Variants in FGF17 observed in about 807,000 individuals in gnomAD.
The protein encoded by FGF17 is fibroblast growth factor 17.
FGF17 carries 5 observed loss-of-function variants against 23.5 expected under a neutral mutation model. That is an observed-to-expected ratio of 0.21 (90% confidence interval 0.11 to 0.45). The LOEUF is 0.45. Among genes scored for constraint, FGF17 ranks in the 20% least tolerant of loss-of-function variants. The pLI, the probability that FGF17 is intolerant of heterozygous loss-of-function variation, is 0.99. For synonymous variants in FGF17, 136 were observed against 123.0 expected, an observed-to-expected ratio of 1.11 and a Z score of -0.70; for missense variants, 221 against 306.9, an observed-to-expected ratio of 0.72 and a Z score of 2.09.
At chr8:22,047,329 G>C (rs1232742729) in intron 4 of FGF17, among the ~76,000 whole-genome samples, 1 of 152,204 alleles carries the variant, frequency 6.6e-6, no homozygotes, top group African/African-American at 2.4e-5. Context: ...GCTCCAGCTA[G>C]CAAGATAGAC....
intron 2 of FGF17, among the ~76,000 whole-genome samples, chr8:22,043,647 G>C (rs1190892600): frequency 1.3e-5 from 2 of 152,110 alleles, no homozygotes; most frequent in African/African-American, 4.8e-5. Context: ...GCCTGGCCAG[G>C]GTGAGGTGAC....
chr8:22,046,306 TCCCCCCAGGG>T lies in FGF17; in HGVS notation c.250+17_250+26del. The T allele has an allele frequency of 6.2e-7, 1 of 1,608,214 alleles. No individual in the cohort carries two copies. The highest frequency in any genetic ancestry group is 8.5e-7 in the Non-Finnish European group (1 of 1,176,456). On this transcript the variant is annotated intron_variant, in intron 3 of 4. Transcript: ENST00000359441. ...CAACAAGTTTGGTGAGAGTTGGCCC[TCCCCCCAGGG>T]CACCCACACCTCCACTCTGCCTCAC...
At chr8:22,044,001 G>A (rs1051696077) in intron 2 of FGF17, among the ~76,000 whole-genome samples, 1 of 151,790 alleles carries the variant, frequency 6.6e-6, no homozygotes, top group Non-Finnish European at 1.5e-5. Flanking sequence ...TTGAAGCAGT[G>A]GGGGGGTGGG....
At chr8:22,041,917 G>C (rs1172008288), upstream of FGF17, among the ~76,000 whole-genome samples, 1 of 152,216 alleles carries the variant, frequency 6.6e-6, no homozygotes, top group Non-Finnish European at 1.5e-5. Flanking sequence ...ATGGGACACA[G>C]GGAGGGGACT....
chr8:22,048,461 C>T lies in FGF17; in HGVS notation c.*212C>T, dbSNP rs979319912. ...CCCCCTTCCCGGACGGGTGGCAGGC[C>T]CTGGAGAGGAACTGAGTGTCACCCT... On this transcript the variant is annotated 3_prime_UTR_variant, in exon 5 of 5. Coordinates refer to ENST00000359441, the MANE Select transcript of FGF17 (RefSeq NM_003867.4). This position sits in a 1 kb window ranked among gnomAD's most constrained non-coding sequence, Gnocchi z 6.9. The T allele has an allele frequency of 4.1e-5, 24 of 592,072 alleles. No homozygotes were observed. The highest frequency in any genetic ancestry group is 6.0e-5 in the Non-Finnish European group (20 of 333,342). 36.7% of individuals were successfully genotyped at this position (592,072 alleles called of 1,614,324 possible).
At chr8:22,044,282 AG>A (rs879398418) in intron 2 of FGF17, among the ~76,000 whole-genome samples, 152 of 151,740 alleles carry the variant, frequency 1.0e-3, no homozygotes, top group Middle Eastern at 3.4e-3. Flanking sequence ...CCCCCCTGGG[AG>A]GGGGGGCCAG....
At chr8:22,046,872 C>T (rs2129676945) in intron 4 of FGF17, among the ~76,000 whole-genome samples, 1 of 152,128 alleles carries the variant, frequency 6.6e-6, no homozygotes, top group South Asian at 2.1e-4. Context: ...CTTTGTACTC[C>T]TGGGCTCAAG....
rs1585532491 is a variant in FGF17 at position 22,042,876 on chromosome 8, C to G, written c.-53C>G. ...CTCTACCCCTGGGGACTTCCCACAT[C>G]TGCTCCTGAGCTTGGGGGCAGGGGG... On this transcript the variant is annotated 5_prime_UTR_variant, in exon 1 of 5. In the 5' UTR this introduces an upstream ATG that the reference lacks. Coordinates refer to ENST00000359441, the MANE Select transcript of FGF17 (RefSeq NM_003867.4). 1.2e-6 allele frequency: 2 copies of G among 1,605,798 alleles called. No individual in the cohort carries two copies. The highest frequency in any genetic ancestry group is 4.5e-5 in the East Asian group (2 of 44,726).
Position 22,048,416 on chromosome 8 carries a change from C to T in FGF17, c.*167C>T, listed in dbSNP as rs563535295. The T allele has an allele frequency of 1.5e-6, 1 of 662,272 alleles. No individual in the cohort carries two copies. Among genetic ancestry groups the T allele is most frequent in the South Asian group, 2.0e-5 (1 of 51,266 alleles). 41.0% of individuals were successfully genotyped at this position (662,272 alleles called of 1,614,324 possible). A position where few individuals can be genotyped will look rare whatever the true frequency, so the allele number is the denominator to read the frequency against. On this transcript the variant is annotated 3_prime_UTR_variant, in exon 5 of 5. Transcript: ENST00000359441. This position sits in a 1 kb window ranked among gnomAD's most constrained non-coding sequence, Gnocchi z 6.9. Reference sequence around the variant, plus strand: ...GCTGGGAAGGGGCAGGCCGGTGCCCCAGGGGCGGCTGGCACAGTGCCCCCT... The same window carrying T: ...GCTGGGAAGGGGCAGGCCGGTGCCCTAGGGGCGGCTGGCACAGTGCCCCCT...
At chr8:22,045,876 T>A in intron 2 of FGF17, 21 of 1,421,528 alleles carry the variant, frequency 1.5e-5, no homozygotes, top group Non-Finnish European at 1.9e-5. Context: ...GCTCTGTCAA[T>A]AAGTGTCCCC....
chr8:22,044,549 C>A (rs1046299696), intron 2 of FGF17: 1 of 329,748 alleles, frequency 3.0e-6, no homozygotes, highest in Non-Finnish European at 4.3e-6. Context: ...AGGAGGCCGT[C>A]GGCCAAGAGG....
chr8:22,046,729 C>CTTGTGTAAAGTCTT, intron 4 of FGF17, 96 bp downstream of exon 4: 2 of 809,376 alleles, frequency 2.5e-6, no homozygotes, highest in Non-Finnish European at 4.1e-6. Context: ...GAGCCACACA[C>CTTGTGTAAAGTCTT]CCTCCTGTGT....
At chr8:22,046,994 C>T (rs954062919) in intron 4 of FGF17, among the ~76,000 whole-genome samples, 1 of 133,462 alleles carries the variant, frequency 7.5e-6, no homozygotes, top group Admixed American at 8.6e-5. Flanking sequence ...ACTATGTTGC[C>T]CTGGCTGGTC....
At chr8:22,047,172 C>T (rs973150504) in intron 4 of FGF17, among the ~76,000 whole-genome samples, 1 of 152,134 alleles carries the variant, frequency 6.6e-6, no homozygotes, top group African/African-American at 2.4e-5. Flanking sequence ...GGGCTGATGT[C>T]AGGAGTATTT....
intron 2 of FGF17, chr8:22,045,763 C>G: frequency 8.3e-7 from 1 of 1,203,082 alleles, no homozygotes; most frequent in South Asian, 1.8e-5. Context: ...GGGTTCTGTC[C>G]CTAATGAGCT....
In FGF17 at chr8:22,046,989, G is replaced by T. The variant is rs1029714086; in HGVS notation, c.357+356G>T. Among the ~76,000 whole-genome samples, 4 of 120,894 alleles carry T rather than the reference G, an allele frequency of 3.3e-5. No homozygotes were observed. The East Asian group carries it at 1.0e-3, about 31-fold the overall frequency. The allele number at this position is 120,894 out of a possible 152,430, so 79.3% of individuals were successfully genotyped here. ...TTTTGTAGAGATAGGGCCTCACTAT[G>T]TTGCCCTGGCTGGTCTCAAACTCAC... On this transcript the variant is annotated intron_variant, in intron 4 of 4. Coordinates refer to ENST00000359441, the MANE Select transcript of FGF17 (RefSeq NM_003867.4).
chr8:22,048,471 A>C lies in FGF17; in HGVS notation c.*222A>C. 1 of 584,218 alleles carries C rather than the reference A, an allele frequency of 1.7e-6. No homozygotes were observed. Among genetic ancestry groups the C allele is most frequent in the South Asian group, 2.1e-5 (1 of 47,772 alleles). The allele number at this position is 584,218 out of a possible 1,614,324, so 36.2% of individuals were successfully genotyped here. ...GGACGGGTGGCAGGCCCTGGAGAGGAACTGAGTGTCACCCTGATCTCAGGC... is the reference window on the plus strand; with the variant it reads ...GGACGGGTGGCAGGCCCTGGAGAGGCACTGAGTGTCACCCTGATCTCAGGC... On this transcript the variant is annotated 3_prime_UTR_variant, in exon 5 of 5. Coordinates refer to ENST00000359441, the MANE Select transcript of FGF17 (RefSeq NM_003867.4). The surrounding 1 kb of genome is among the most constrained non-coding windows in gnomAD (Gnocchi z 6.9).
intron 2 of FGF17, 108 bp from the exon 3 acceptor site, chr8:22,046,006 G>C: frequency 6.3e-7 from 1 of 1,597,516 alleles, no homozygotes; most frequent in Non-Finnish European, 8.5e-7. Context: ...TGCAGGACAA[G>C]TGGCCTGTCC....
At chr8:22,045,199 A>C (rs1426039689) in intron 2 of FGF17, 1 of 985,466 alleles carries the variant, frequency 1.0e-6, no homozygotes, top group South Asian at 4.7e-5. Flanking sequence ...CGTGGGGGGA[A>C]ATGGTTCCTC....
Sources: gnomAD v4.1 joint callset for allele counts (sites outside exome capture counted in the v4.1 genomes callset) on GRCh38, gnomAD v4.1.1 for gene constraint, Gnocchi (gnomAD v3.1) non-coding constraint, MANE v1.5 for transcripts, NCBI Gene and HGNC (gene_info 2026-07-23, HGNC 2026-07-21) for gene names.